The following TMTC1 variants were observed in gnomAD, a reference collection of about 807,000 sequenced individuals.
TMTC1 encodes the protein transmembrane O-mannosyltransferase targeting cadherins 1.
In TMTC1, 73 loss-of-function variants were observed where a neutral mutation model predicts 104.8. The observed-to-expected ratio is 0.70, with a 90% confidence interval of 0.58 to 0.85. The LOEUF (loss-of-function observed/expected upper bound fraction) is 0.85. Ranked by LOEUF, TMTC1 falls within the 40% of genes least tolerant of loss-of-function variation. TMTC1 has a pLI of 0.00. For missense variants in TMTC1, 1,035 were observed against 1,096.1 expected, an observed-to-expected ratio of 0.94 and a Z score of 0.79; for synonymous variants, 434 against 428.7, an observed-to-expected ratio of 1.01 and a Z score of -0.15.
chr12:29,781,755 C>T (rs116850733), intron 1 of TMTC1, among the ~76,000 whole-genome samples: 4,251 of 152,150 alleles, frequency 0.028, 95 homozygotes, highest in Non-Finnish European at 0.043. Flanking sequence ...TGCTTATGCC[C>T]AGAAGTTTCA....
At chr12:29,759,434 C>T (rs1291071554) in intron 2 of TMTC1, among the ~76,000 whole-genome samples, 2 of 152,114 alleles carry the variant, frequency 1.3e-5, no homozygotes, top group African/African-American at 2.4e-5. Context: ...GAGGTCAATG[C>T]TGCAGTGAGC....
intron 5 of TMTC1, among the ~76,000 whole-genome samples, chr12:29,644,143 GTGTGTGTATATA>G (rs201818535): frequency 0.082 from 8,156 of 99,474 alleles, 555 homozygotes; most frequent in East Asian, 0.13. Flanking sequence ...GTGTGTGTGT[GTGTGTGTATATA>G]TATATATAAT....
intron 5 of TMTC1, among the ~76,000 whole-genome samples, chr12:29,663,617 A>G (rs2136652832): frequency 6.6e-6 from 1 of 151,766 alleles, no homozygotes; most frequent in South Asian, 2.1e-4. Flanking sequence ...CCCGGGTTCA[A>G]GCTATTCTCC....
In TMTC1 at chr12:29,557,146, T is replaced by C; in HGVS notation, c.1533-146A>G. On this transcript the variant is annotated intron_variant, in intron 9 of 17. Transcript: ENST00000539277. ...TTGAATGGTTTGTGTCCAATCTTAC[T>C]GGTCAACGACTTTTGCAGCTGAAAG... The C allele has an allele frequency of 3.4e-6, 3 of 871,350 alleles. No individual in the cohort carries two copies. In the South Asian group the frequency reaches 5.4e-5, roughly 16 times the overall value. 54.0% of individuals were successfully genotyped at this position (871,350 alleles called of 1,614,324 possible). A position where few individuals can be genotyped will look rare whatever the true frequency, so the allele number is the denominator to read the frequency against.
chr12:29,749,247 C>T lies in TMTC1; in HGVS notation c.938+2419G>A, dbSNP rs533805978. 2.6e-5 allele frequency among the ~76,000 whole-genome samples: 4 copies of T among 151,988 alleles called. No individual in the cohort carries two copies. In the East Asian group the frequency reaches 7.7e-4, roughly 29 times the overall value. On this transcript the variant is annotated intron_variant, in intron 5 of 17. Transcript: ENST00000539277. ...ATCTAAGGATACACACACACACACACGTCTGAAAAGAAAAATGAACATTCC... is the reference window on the plus strand; with the variant it reads ...ATCTAAGGATACACACACACACACATGTCTGAAAAGAAAAATGAACATTCC...
At position 29,758,715 on chromosome 12, in the gene TMTC1, G is replaced by A. The variant is rs1316115785; in HGVS notation, c.543C>T (p.Leu181=). 1.2e-6 allele frequency: 2 copies of A among 1,613,710 alleles called. No individual in the cohort carries two copies. Among genetic ancestry groups the A allele is most frequent in the South Asian group, 2.2e-5 (2 of 91,002 alleles). Residue 181 remains leucine (L), a synonymous_variant, in exon 3 of 18, where the codon CTC becomes CTT. Transcript: ENST00000539277. ...LACLLFLLAF[L]SYNRSLDQGC... is the part of the protein sequence containing the mutation. ...TTAGCTACACATACCTGTTGTACGAGAGAAAGGCCAATAGAAACAGCAGAC... is the reference window on the plus strand; with the variant it reads ...TTAGCTACACATACCTGTTGTACGAAAGAAAGGCCAATAGAAACAGCAGAC...
intron 10 of TMTC1, among the ~76,000 whole-genome samples, chr12:29,551,228 G>C (rs769238234): frequency 6.6e-6 from 1 of 152,080 alleles, no homozygotes; most frequent in Non-Finnish European, 1.5e-5. Context: ...TCTACTCTCC[G>C]GGGCTTCAGT....
intron 5 of TMTC1, among the ~76,000 whole-genome samples, chr12:29,710,553 T>C (rs1941873151): frequency 6.9e-6 from 1 of 145,810 alleles, no homozygotes; most frequent in Non-Finnish European, 1.5e-5. Flanking sequence ...ATATATAATA[T>C]ATATAAAATA....
intron 4 of TMTC1, among the ~76,000 whole-genome samples, chr12:29,754,142 G>A (rs1215654977): frequency 1.3e-5 from 2 of 148,972 alleles, no homozygotes; most frequent in African/African-American, 5.0e-5. Context: ...TGGGATTACA[G>A]GCGTGAGCCA....
chr12:29,574,416 T>C (rs1422261978), intron 8 of TMTC1, among the ~76,000 whole-genome samples: 1 of 152,192 alleles, frequency 6.6e-6, no homozygotes, highest in Non-Finnish European at 1.5e-5. Flanking sequence ...AAATGAGGCT[T>C]TTCTCAGAGA....
chr12:29,557,061 G>C lies in TMTC1; in HGVS notation c.1533-61C>G. ...AAAACTTCTAAGTTGGGCACAACTT[G>C]CTTGTTCTTCTTCCCCCAAGTATGA... On this transcript the variant is annotated intron_variant, in intron 9 of 17. Coordinates refer to ENST00000539277, the MANE Select transcript of TMTC1 (RefSeq NM_001193451.2). 3 of 1,565,596 alleles carry C rather than the reference G, an allele frequency of 1.9e-6. No individual in the cohort carries two copies. In the South Asian group the frequency reaches 3.5e-5, roughly 18 times the overall value.
At chr12:29,515,970 T>G (rs1943973654) in intron 15 of TMTC1, among the ~76,000 whole-genome samples, 1 of 151,772 alleles carries the variant, frequency 6.6e-6, no homozygotes, top group South Asian at 2.1e-4. Context: ...CTCTTCTATA[T>G]TGTTTTATGT....
chr12:29,729,672 A>G (rs973660652), intron 5 of TMTC1, among the ~76,000 whole-genome samples: 12 of 152,156 alleles, frequency 7.9e-5, no homozygotes, highest in Admixed American at 4.6e-4. Flanking sequence ...TCACTGGTGT[A>G]AACAGTCCCT....
Position 29,514,452 on chromosome 12 carries a change from T to C in TMTC1, c.2430+30A>G, listed in dbSNP as rs765416429. ...GACAATTAATTTTAATCTGTGAATT[T>C]GATGATATAATTTTATGATGAGTTT... On this transcript the variant is annotated intron_variant, in intron 16 of 17. Coordinates refer to ENST00000539277, the MANE Select transcript of TMTC1 (RefSeq NM_001193451.2). 1.5e-5 allele frequency: 24 copies of C among 1,590,136 alleles called. No homozygotes were observed. In the East Asian group the frequency reaches 4.5e-4, roughly 30 times the overall value.
chr12:29,614,577 T>C (rs1946929742), intron 6 of TMTC1, among the ~76,000 whole-genome samples: 1 of 152,202 alleles, frequency 6.6e-6, no homozygotes, highest in Non-Finnish European at 1.5e-5. Flanking sequence ...ATGCTTGTAA[T>C]TTTCTGAGTT....
In TMTC1 at chr12:29,514,710, G is replaced by A. The variant is rs1364087583; in HGVS notation, c.2308-106C>T. On this transcript the variant is annotated intron_variant, in intron 15 of 17. Transcript: ENST00000539277. ...TTGTTCCTATGTGTCAGCAGGTATG[G>A]TATGTGACAATCAAAGTACAATTCT... 2.5e-6 allele frequency: 3 copies of A among 1,222,740 alleles called. No homozygotes were observed. In the South Asian group the frequency reaches 4.6e-5, roughly 19 times the overall value. The allele number at this position is 1,222,740 out of a possible 1,614,324, so 75.7% of individuals were successfully genotyped here.
chr12:29,538,677 C>T (rs538494351), intron 10 of TMTC1, among the ~76,000 whole-genome samples: 5 of 152,074 alleles, frequency 3.3e-5, no homozygotes, highest in African/African-American at 4.8e-5. Context: ...AACCTAAATG[C>T]TTGAGTTTGT....
At chr12:29,781,776 A>T (rs1943841260) in intron 1 of TMTC1, among the ~76,000 whole-genome samples, 1 of 152,234 alleles carries the variant, frequency 6.6e-6, no homozygotes, top group Admixed American at 6.5e-5. Flanking sequence ...GGCTACAGTG[A>T]GCAATAATCA....
chr12:29,556,979 A>G lies in TMTC1; in HGVS notation c.1554T>C (p.Ser518=). The G allele has an allele frequency of 6.2e-7, 1 of 1,614,160 alleles. No individual in the cohort carries two copies. The change falls in exon 10 of 18, where the codon AGT becomes AGC. Residue 518 remains serine (S), a synonymous_variant. Coordinates refer to ENST00000539277, the MANE Select transcript of TMTC1 (RefSeq NM_001193451.2). The part of the protein sequence containing the change: ...TALKLYPRHA[S]ALNNLGTLTR... ...TCAGTGTTCCAAGGTTGTTGAGCGC[A>G]CTTGCATGGCGTGGATACAACCTGA...
Sources: gnomAD v4.1 joint callset for allele counts (sites outside exome capture counted in the v4.1 genomes callset) on GRCh38, gnomAD v4.1.1 for gene constraint, MANE v1.5 for transcripts, NCBI Gene and HGNC (gene_info 2026-07-23, HGNC 2026-07-21) for gene names.